Variants in TINAG observed in about 807,000 individuals in gnomAD.
TINAG encodes the protein tubulointerstitial nephritis antigen.
TINAG carries 83 observed loss-of-function variants against 72.7 expected under a neutral mutation model. The ratio of observed to expected loss-of-function variants is 1.14; its 90% confidence interval spans 0.96 to 1.37. TINAG has a LOEUF of 1.37. Among genes scored for constraint, TINAG ranks in the 40% most tolerant of loss-of-function variants. The pLI, the probability that TINAG is intolerant of heterozygous loss-of-function variation, is 0.00. For synonymous variants in TINAG, 234 were observed against 189.9 expected (o/e 1.23, Z -1.91); for missense variants, 685 against 576.6 (o/e 1.19, Z -1.93).
chr6:54,365,528 A>G (rs1763381538), intron 9 of TINAG: 2 of 151,508 alleles, frequency 1.3e-5, no homozygotes, highest in Non-Finnish European at 1.5e-5. Flanking sequence ...GCCTAGGGAC[A>G]ATGAAGAAGA....
At chr6:54,340,716 G>T (rs955372609) in intron 4 of TINAG, among the ~76,000 whole-genome samples, 9 of 152,032 alleles carry the variant, frequency 5.9e-5, no homozygotes, top group African/African-American at 1.9e-4. Context: ...TTCATAAATT[G>T]ATCTGGCTTA....
At chr6:54,359,363 A>G (rs1763155224) in intron 9 of TINAG, among the ~76,000 whole-genome samples, 1 of 151,776 alleles carries the variant, frequency 6.6e-6, no homozygotes, top group Non-Finnish European at 1.5e-5. Flanking sequence ...ATTTTCTACC[A>G]CACACTAGGT....
intron 9 of TINAG, among the ~76,000 whole-genome samples, chr6:54,355,268 TCTCA>T (rs1274223895): frequency 6.6e-6 from 1 of 151,902 alleles, no homozygotes; most frequent in Non-Finnish European, 1.5e-5. Context: ...TCTCATAATG[TCTCA>T]CTCTAGTTCA....
intron 4 of TINAG, among the ~76,000 whole-genome samples, chr6:54,328,942 C>A (rs959767925): frequency 6.6e-6 from 1 of 151,722 alleles, no homozygotes; most frequent in African/African-American, 2.4e-5. Context: ...TGAAAAGGAA[C>A]AAACAAAGCA....
At chr6:54,351,274 C>T (rs1562167627) in intron 7 of TINAG, 78 bp from the exon 8 acceptor site, 3 of 1,308,800 alleles carry the variant, frequency 2.3e-6, no homozygotes, top group East Asian at 4.8e-5. Flanking sequence ...ATTGCAAACA[C>T]TTAACATTGT....
chr6:54,308,091 T>C, upstream of TINAG: 1 of 1,549,958 alleles, frequency 6.5e-7, no homozygotes, highest in Non-Finnish European at 8.7e-7. Flanking sequence ...TTCGTTTCAA[T>C]GCAGGCAGGT....
intron 9 of TINAG, among the ~76,000 whole-genome samples, chr6:54,377,554 T>C (rs1179993280): frequency 6.6e-6 from 1 of 151,932 alleles, no homozygotes; most frequent in Non-Finnish European, 1.5e-5. Context: ...TTCAGTAAAG[T>C]AAGGTTCTGG....
chr6:54,343,517 C>A (rs539050082), intron 5 of TINAG, among the ~76,000 whole-genome samples, 168 bp downstream of exon 5: 2 of 149,478 alleles, frequency 1.3e-5, no homozygotes, highest in East Asian at 3.9e-4. Flanking sequence ...ATAAAAAATC[C>A]ATTTTTAGTC....
At chr6:54,349,610 T>A in intron 6 of TINAG, 106 bp from the exon 7 acceptor site, 3 of 1,074,834 alleles carry the variant, frequency 2.8e-6, no homozygotes, top group Middle Eastern at 2.2e-4. Flanking sequence ...TGCATGTAAG[T>A]AACCAGAATA....
intron 9 of TINAG, among the ~76,000 whole-genome samples, chr6:54,377,642 A>G (rs1763820078): frequency 6.6e-6 from 1 of 152,198 alleles, no homozygotes; most frequent in Admixed American, 6.5e-5. Context: ...ACATAGTTAT[A>G]TTTAGAGCAA....
At chr6:54,388,488 CTCT>C (rs1303725997) in intron 10 of TINAG, among the ~76,000 whole-genome samples, 1 of 152,144 alleles carries the variant, frequency 6.6e-6, no homozygotes, top group Non-Finnish European at 1.5e-5. Context: ...CAATCTGCCC[CTCT>C]CTTACATTGT....
intron 4 of TINAG, among the ~76,000 whole-genome samples, chr6:54,332,349 C>A (rs991367710): frequency 6.6e-6 from 1 of 152,040 alleles, no homozygotes; most frequent in African/African-American, 2.4e-5. Context: ...ACAAACCTGA[C>A]AAAAACAAAC....
At chr6:54,312,118 G>C (rs188220153) in intron 1 of TINAG, among the ~76,000 whole-genome samples, 1 of 151,588 alleles carries the variant, frequency 6.6e-6, no homozygotes, top group African/African-American at 2.4e-5. Flanking sequence ...GTACAGTGGC[G>C]CCATCATGGC....
At chr6:54,319,517 A>G (rs988357574) in intron 1 of TINAG, among the ~76,000 whole-genome samples, 1 of 152,172 alleles carries the variant, frequency 6.6e-6, no homozygotes, top group Non-Finnish European at 1.5e-5. Context: ...ACGTAAATAC[A>G]TAAATAATTA....
intron 9 of TINAG, among the ~76,000 whole-genome samples, chr6:54,379,911 C>T (rs1050047598): frequency 7.9e-5 from 12 of 152,024 alleles, no homozygotes; most frequent in African/African-American, 2.9e-4. Context: ...GGTATTTCTC[C>T]TAATGCTATC....
At chr6:54,383,825 C>G (rs960635626) in intron 10 of TINAG, among the ~76,000 whole-genome samples, 1 of 152,000 alleles carries the variant, frequency 6.6e-6, no homozygotes, top group African/African-American at 2.4e-5. Flanking sequence ...ACCAGAAATA[C>G]CATTTGACCC....
At chr6:54,372,837 A>C (rs1424073156) in intron 9 of TINAG, among the ~76,000 whole-genome samples, 1 of 150,994 alleles carries the variant, frequency 6.6e-6, no homozygotes, top group Non-Finnish European at 1.5e-5. Context: ...GTTAAAAGGC[A>C]TATGTTGCTA....
intron 9 of TINAG, chr6:54,367,056 A>G (rs1007992742): frequency 2.0e-5 from 3 of 151,712 alleles, no homozygotes; most frequent in African/African-American, 7.2e-5. Flanking sequence ...TTTTCTTTAC[A>G]TTCTTCCATT....
At chr6:54,368,630 A>AATGTATTCC (rs1763510131) in intron 9 of TINAG, among the ~76,000 whole-genome samples, 1 of 151,392 alleles carries the variant, frequency 6.6e-6, no homozygotes, top group Admixed American at 6.6e-5. Flanking sequence ...TTTATAATTC[A>AATGTATTCC]ATGTATTCCA....
Sources: allele counts gnomAD v4.1 joint callset (sites outside exome capture counted in the v4.1 genomes callset), GRCh38; gene constraint gnomAD v4.1.1; transcripts MANE v1.5; gene names NCBI Gene and HGNC (gene_info 2026-07-23, HGNC 2026-07-21).